The following SH3GL2 variants were observed in gnomAD, a reference collection of about 807,000 sequenced individuals.
The protein encoded by SH3GL2 is endophilin-A1.
SH3GL2 carries 24 observed loss-of-function variants against 46.0 expected under a neutral mutation model. The observed-to-expected ratio is 0.52, with a 90% CI of 0.38 to 0.73. The LOEUF is 0.73. Among genes scored for constraint, SH3GL2 ranks in the 30% least tolerant of loss-of-function variants. The pLI, the probability that SH3GL2 is intolerant of heterozygous loss-of-function variation, is 0.00. For missense variants in SH3GL2, 413 were observed against 424.2 expected (o/e 0.97, Z 0.23); for synonymous variants, 196 against 147.1 (o/e 1.33, Z -2.40).
chr9:17,582,894 A>G (rs1818303568), intron 1 of SH3GL2, among the ~76,000 whole-genome samples: 1 of 152,136 alleles, frequency 6.6e-6, no homozygotes, highest in Non-Finnish European at 1.5e-5. Context: ...TCATGCTCAC[A>G]TGACATTCTC....
intron 3 of SH3GL2, among the ~76,000 whole-genome samples, chr9:17,765,794 T>G (rs1823301733): frequency 6.6e-6 from 1 of 152,168 alleles, no homozygotes; most frequent in Non-Finnish European, 1.5e-5. Flanking sequence ...GTTTTGTTTT[T>G]CATCCGCCAT....
At chr9:17,749,685 A>C (rs1326504176) in intron 2 of SH3GL2, among the ~76,000 whole-genome samples, 1 of 152,184 alleles carries the variant, frequency 6.6e-6, no homozygotes, top group Admixed American at 6.5e-5. Flanking sequence ...AAATTTGGAG[A>C]ACTGAGTAGA....
At chr9:17,641,945 G>C (rs1462339760) in intron 1 of SH3GL2, among the ~76,000 whole-genome samples, 1 of 151,986 alleles carries the variant, frequency 6.6e-6, no homozygotes, top group Non-Finnish European at 1.5e-5. Context: ...TAATCCTTTG[G>C]GTATATACCC....
rs1822881026 is a variant in SH3GL2 at position 17,752,704 on chromosome 9, CT to C, written c.114+5577del. 2.6e-5 allele frequency among the ~76,000 whole-genome samples: 4 copies of C among 152,200 alleles called. No homozygotes were observed. In the South Asian group the frequency reaches 6.2e-4, roughly 24 times the overall value. ...TTGATATTTGAGGTCCAATTTCTTTCTTTTTTTAAACTTGTATCTTAACTTC... is the reference window on the plus strand; with the variant it reads ...TTGATATTTGAGGTCCAATTTCTTTCTTTTTTAAACTTGTATCTTAACTTC... On this transcript the variant is annotated intron_variant, in intron 2 of 8. Coordinates refer to ENST00000380607, the MANE Select transcript of SH3GL2 (RefSeq NM_003026.5).
chr9:17,757,336 G>T (rs1027638104), intron 2 of SH3GL2, among the ~76,000 whole-genome samples: 2 of 152,174 alleles, frequency 1.3e-5, no homozygotes, highest in Non-Finnish European at 2.9e-5. Flanking sequence ...AAGAGCTTCT[G>T]CACAGCAAAA....
chr9:17,602,391 C>G (rs1168931723), intron 1 of SH3GL2, among the ~76,000 whole-genome samples: 1 of 152,134 alleles, frequency 6.6e-6, no homozygotes, highest in Non-Finnish European at 1.5e-5. Context: ...TTTCTGAGCT[C>G]TTCTGTTTTG....
At chr9:17,731,673 G>T (rs557253364) in intron 1 of SH3GL2, among the ~76,000 whole-genome samples, 1 of 152,292 alleles carries the variant, frequency 6.6e-6, no homozygotes, top group Admixed American at 6.5e-5. Flanking sequence ...CTGGTATTTT[G>T]TTATGACAGC....
At chr9:17,778,995 G>A (rs1823722983) in intron 3 of SH3GL2, among the ~76,000 whole-genome samples, 1 of 152,028 alleles carries the variant, frequency 6.6e-6, no homozygotes, top group African/African-American at 2.4e-5. Context: ...AGTCAAGTAG[G>A]TATTAGAATG....
intron 3 of SH3GL2, among the ~76,000 whole-genome samples, chr9:17,777,275 C>A (rs1279057176): frequency 6.6e-6 from 1 of 151,950 alleles, no homozygotes; most frequent in African/African-American, 2.4e-5. Context: ...AAAGAGTAAA[C>A]CCAGGTGGAA....
rs150875025 is a variant in SH3GL2 at position 17,738,851 on chromosome 9, A to T, written c.46-8215A>T. Among the ~76,000 whole-genome samples, 308 of 151,968 alleles carry T rather than the reference A, an allele frequency of 2.0e-3. 2 individuals carry two copies. The highest frequency in any genetic ancestry group is 7.1e-3 in the African/African-American group (294 of 41,488). On this transcript the variant is annotated intron_variant, in intron 1 of 8. Transcript: ENST00000380607. ...TTCTTAGGGCTTTTCCATTGATTGG[A>T]TGAGGCCCACCCACATTATGAAGGA...
intron 2 of SH3GL2, among the ~76,000 whole-genome samples, chr9:17,759,833 G>T (rs1823116742): frequency 6.6e-6 from 1 of 152,002 alleles, no homozygotes; most frequent in Non-Finnish European, 1.5e-5. Context: ...CATAACTACA[G>T]GATATTTAGA....
At chr9:17,794,088 T>G (rs1165916559) in intron 8 of SH3GL2, among the ~76,000 whole-genome samples, 1 of 152,222 alleles carries the variant, frequency 6.6e-6, no homozygotes, top group Non-Finnish European at 1.5e-5. Context: ...GCTGTGGCAC[T>G]GGGGTTGATA....
At chr9:17,683,709 C>T (rs1161568005) in intron 1 of SH3GL2, among the ~76,000 whole-genome samples, 1 of 151,974 alleles carries the variant, frequency 6.6e-6, no homozygotes, top group Non-Finnish European at 1.5e-5. Context: ...TGGTCTACTG[C>T]TAGGGGAGTG....
intron 1 of SH3GL2, among the ~76,000 whole-genome samples, chr9:17,746,484 T>TG (rs1822691419): frequency 6.6e-6 from 1 of 152,230 alleles, no homozygotes; most frequent in Non-Finnish European, 1.5e-5. Context: ...AGCAAAGAAA[T>TG]GCCTTCAACA....
chr9:17,793,852 C>T lies in SH3GL2; in HGVS notation c.859+355C>T, dbSNP rs554364095. On this transcript the variant is annotated intron_variant, in intron 8 of 8. Transcript: ENST00000380607. Reference sequence around the variant, plus strand: ...AGTGTCATCTTTTCTCCTGCGTGTTCGCTCTGAATCCAGCCTGTATGACAG... The same window carrying T: ...AGTGTCATCTTTTCTCCTGCGTGTTTGCTCTGAATCCAGCCTGTATGACAG... Among the ~76,000 whole-genome samples the T allele has an allele frequency of 7.2e-5, 11 of 152,300 alleles. No homozygotes were observed. In the South Asian group the frequency reaches 1.9e-3, roughly 26 times the overall value.
intron 3 of SH3GL2, among the ~76,000 whole-genome samples, chr9:17,782,297 A>G (rs556614204): frequency 1.8e-4 from 27 of 151,950 alleles, no homozygotes; most frequent in African/African-American, 6.5e-4. Flanking sequence ...TTTTTCGGGG[A>G]AAATAAGAGC....
intron 3 of SH3GL2, among the ~76,000 whole-genome samples, chr9:17,772,579 GTGGAA>G (rs1823516931): frequency 1.3e-5 from 2 of 152,158 alleles, no homozygotes; most frequent in Non-Finnish European, 2.9e-5. Flanking sequence ...CTTCATGTAA[GTGGAA>G]TCACATAGCA....
chr9:17,790,029 C>A (rs558336228), intron 6 of SH3GL2, among the ~76,000 whole-genome samples: 2 of 152,088 alleles, frequency 1.3e-5, no homozygotes, highest in Non-Finnish European at 2.9e-5. Context: ...TCAATAGAGG[C>A]CTGAGAACTC....
intron 5 of SH3GL2, 127 bp from the exon 6 acceptor site, chr9:17,789,265 G>T: frequency 2.9e-6 from 2 of 682,768 alleles, no homozygotes; most frequent in Non-Finnish European, 5.1e-6. Flanking sequence ...TATTTCTCTG[G>T]TGGCGTTGTA....
Sources: gnomAD v4.1 joint callset for allele counts (sites outside exome capture counted in the v4.1 genomes callset) on GRCh38, gnomAD v4.1.1 for gene constraint, MANE v1.5 for transcripts, NCBI Gene and HGNC (gene_info 2026-07-23, HGNC 2026-07-21) for gene names.